Variants in NARF observed in about 807,000 individuals in gnomAD.
NARF encodes the protein iron-only hydrogenase-like protein 2.
In NARF, 41 loss-of-function variants were observed where a neutral mutation model predicts 48.0. That is an observed-to-expected ratio of 0.85 (90% CI 0.66 to 1.11). NARF has a LOEUF of 1.11. Among genes scored for constraint, NARF ranks in the 50% least tolerant of loss-of-function variants. The pLI, the probability that NARF is intolerant of heterozygous loss-of-function variation, is 0.00. For missense variants in NARF, 613 were observed against 590.2 expected (o/e 1.04, Z -0.40); for synonymous variants, 215 against 225.5 (o/e 0.95, Z 0.42).
chr17:82,488,378 T>A lies in NARF; in HGVS notation c.*221T>A, dbSNP rs1469595946. Reference sequence around the variant, plus strand: ...TAGGTGTGGGATTGGAACTTTTTTTTTCTTTTTTTTTTTTTGAGACGGAGT... The same window carrying A: ...TAGGTGTGGGATTGGAACTTTTTTTATCTTTTTTTTTTTTTGAGACGGAGT... On this transcript the variant is annotated 3_prime_UTR_variant, in exon 11 of 11. Transcript: ENST00000309794. The A allele has an allele frequency of 1.2e-5, 8 of 649,124 alleles. No individual in the cohort carries two copies. Among genetic ancestry groups the A allele is most frequent in the Non-Finnish European group, 1.9e-5 (8 of 418,378 alleles). The allele number at this position is 649,124 out of a possible 1,614,324, so 40.2% of individuals were successfully genotyped here. A position where few individuals can be genotyped will look rare whatever the true frequency, so the allele number is the denominator to read the frequency against.
chr17:82,472,534 T>G, intron 4 of NARF, 30 bp from the exon 5 acceptor site: 2 of 1,570,128 alleles, frequency 1.3e-6, no homozygotes, highest in African/African-American at 1.4e-5. Context: ...AGTACGTGAT[T>G]TAAGCTGAAT....
At chr17:82,479,605 C>T (rs150496213) in intron 6 of NARF, among the ~76,000 whole-genome samples, 2 of 152,200 alleles carry the variant, frequency 1.3e-5, no homozygotes, top group East Asian at 3.9e-4. Flanking sequence ...CTGGCATGCC[C>T]CACACTGCTC....
upstream of NARF, chr17:82,458,482 G>T: frequency 3.1e-6 from 1 of 327,344 alleles, no homozygotes; most frequent in South Asian, 8.9e-5. Context: ...GCGGAAACCG[G>T]CGCAAGGACC....
chr17:82,462,598 G>A (rs75077429), intron 2 of NARF: 4,824 of 152,662 alleles, frequency 0.032, 115 homozygotes, highest in Non-Finnish European at 0.052. Context: ...GCCTTCTACG[G>A]TGTGTGAGTC....
chr17:82,460,694 G>C (rs535382501), intron 2 of NARF: 13 of 151,960 alleles, frequency 8.6e-5, no homozygotes, highest in African/African-American at 3.1e-4. Flanking sequence ...AACCTGGGAG[G>C]CGGAACTTGC....
chr17:82,470,996 C>T (rs867794666), intron 4 of NARF, among the ~76,000 whole-genome samples: 2 of 149,616 alleles, frequency 1.3e-5, no homozygotes, highest in Non-Finnish European at 3.0e-5. Context: ...AACCCCATCT[C>T]CACTAAAAAT....
At chr17:82,470,629 G>A (rs2043677044) in intron 4 of NARF, among the ~76,000 whole-genome samples, 3 of 151,874 alleles carry the variant, frequency 2.0e-5, no homozygotes, top group African/African-American at 7.3e-5. Context: ...CGAGTGGCTG[G>A]GACTACAGGC....
chr17:82,464,361 T>C lies in NARF; in HGVS notation c.183T>C (p.Thr61=). The C allele has an allele frequency of 6.2e-7, 1 of 1,614,138 alleles. No individual in the cohort carries two copies. The highest frequency in any genetic ancestry group is 1.1e-5 in the South Asian group (1 of 91,080). Residue 61 remains threonine, a synonymous_variant, in exon 3 of 11, where the codon ACT becomes ACC. Coordinates refer to ENST00000309794, the MANE Select transcript of NARF (RefSeq NM_012336.4). ...SDCLACDSCM[T]AEEGVQLSQQ... ...GCCTGGCATGTGACAGCTGTATGAC[T>C]GCAGAGGAAGGAGTCCAACTTTCCC...
In NARF at chr17:82,488,210, A is replaced by G; in HGVS notation, c.*53A>G. 1 of 1,590,930 alleles carries G rather than the reference A, an allele frequency of 6.3e-7. No individual in the cohort carries two copies. Among genetic ancestry groups the G allele is most frequent in the Non-Finnish European group, 8.6e-7 (1 of 1,166,526 alleles). On this transcript the variant is annotated 3_prime_UTR_variant, in exon 11 of 11. Transcript: ENST00000309794. Reference sequence around the variant, plus strand: ...TTGGGGCCAGAGCCAAGAGCCTCTCAGTAGAGGGAGGGGCTGCCCTGAGTG... The same window carrying G: ...TTGGGGCCAGAGCCAAGAGCCTCTCGGTAGAGGGAGGGGCTGCCCTGAGTG...
chr17:82,475,118 G>A (rs746927857), intron 5 of NARF, among the ~76,000 whole-genome samples: 1 of 152,128 alleles, frequency 6.6e-6, no homozygotes, highest in Non-Finnish European at 1.5e-5. Context: ...TGTGTGCTGA[G>A]CCTGAGCCTG....
intron 4 of NARF, among the ~76,000 whole-genome samples, chr17:82,471,558 C>A (rs569041137): frequency 0.019 from 2,824 of 149,858 alleles, 36 homozygotes; most frequent in Middle Eastern, 0.041. Flanking sequence ...TTTGGGAGGC[C>A]GAGGCGGGCG....
chr17:82,459,278 A>T (rs1025886894), intron 1 of NARF: 18 of 718,610 alleles, frequency 2.5e-5, no homozygotes, highest in Non-Finnish European at 2.9e-5. Flanking sequence ...TCTCCAGGCC[A>T]TGGCAACAAC....
intron 3 of NARF, 39 bp from the exon 4 acceptor site, chr17:82,468,725 A>T (rs199559443): frequency 1.1e-5 from 17 of 1,606,480 alleles, no homozygotes; most frequent in Non-Finnish European, 1.4e-5. Flanking sequence ...CTCCTTGTGT[A>T]ATCAGCAGAT....
chr17:82,463,806 G>A (rs776428098), intron 2 of NARF: 5 of 155,972 alleles, frequency 3.2e-5, no homozygotes, highest in South Asian at 1.9e-4. Context: ...CAAACCCAGA[G>A]CCAGCACTGA....
Position 82,488,377 on chromosome 17 carries a change from T to C in NARF, c.*220T>C, listed in dbSNP as rs2044145823. 4.6e-6 allele frequency: 3 copies of C among 654,062 alleles called. No homozygotes were observed. The highest frequency in any genetic ancestry group is 7.1e-6 in the Non-Finnish European group (3 of 422,022). The allele number at this position is 654,062 out of a possible 1,614,324, so 40.5% of individuals were successfully genotyped here. On this transcript the variant is annotated 3_prime_UTR_variant, in exon 11 of 11. Coordinates refer to ENST00000309794, the MANE Select transcript of NARF (RefSeq NM_012336.4). ...ATAGGTGTGGGATTGGAACTTTTTTTTTCTTTTTTTTTTTTTGAGACGGAG... is the reference window on the plus strand; with the variant it reads ...ATAGGTGTGGGATTGGAACTTTTTTCTTCTTTTTTTTTTTTTGAGACGGAG...
At chr17:82,465,293 G>A (rs1329327909) in intron 3 of NARF, among the ~76,000 whole-genome samples, 1 of 152,208 alleles carries the variant, frequency 6.6e-6, no homozygotes, top group Non-Finnish European at 1.5e-5. Context: ...TGGGGACGCA[G>A]AGCCAAACCA....
At chr17:82,480,847 G>T in intron 6 of NARF, 1 of 543,368 alleles carries the variant, frequency 1.8e-6, no homozygotes, top group Admixed American at 3.2e-5. Context: ...CAGGAGAATC[G>T]CTTGAACCCG....
chr17:82,460,083 T>G lies in NARF; in HGVS notation c.108+11T>G. On this transcript the variant is annotated intron_variant, in intron 2 of 10. Transcript: ENST00000309794. ...CAGGAAAATGGAGAGGCAAGTAGAT[T>G]TTTCAGTTTTGTATCAGCCCAGAGT... 3 of 1,612,436 alleles carry G rather than the reference T, an allele frequency of 1.9e-6. No homozygotes were observed. Among genetic ancestry groups the G allele is most frequent in the Non-Finnish European group, 1.7e-6 (2 of 1,178,762 alleles).
In NARF at chr17:82,481,192, T is replaced by A; in HGVS notation, c.750T>A (p.Ala250=). 1 of 1,614,048 alleles carries A rather than the reference T, an allele frequency of 6.2e-7. No homozygotes were observed. The highest frequency in any genetic ancestry group is 8.5e-7 in the Non-Finnish European group (1 of 1,179,986). The stretch of plus-strand genomic sequence containing the variant: ...CTGCTTTGCATGGCTCCCGGGGCGC[T>A]GACTGCGTGTTAACATCAGGTGAGA... ...LPPALHGSRG[A]DCVLTSGEIA... is the part of the protein sequence containing the mutation. Residue 250 remains alanine (A), a synonymous_variant, in exon 7 of 11, where the codon GCT becomes GCA. Coordinates refer to ENST00000309794, the MANE Select transcript of NARF (RefSeq NM_012336.4).
Sources: allele counts gnomAD v4.1 joint callset (sites outside exome capture counted in the v4.1 genomes callset), GRCh38; gene constraint gnomAD v4.1.1; transcripts MANE v1.5; gene names NCBI Gene and HGNC (gene_info 2026-07-23, HGNC 2026-07-21).